Variants in POLR1D observed in about 807,000 individuals in gnomAD.
The protein encoded by POLR1D is RNA polymerase I and III subunit D.
In POLR1D, 8 loss-of-function variants were observed where a neutral mutation model predicts 10.8. The ratio of observed to expected loss-of-function variants is 0.74; its 90% CI spans 0.43 to 1.33. POLR1D has a LOEUF of 1.33. Ranked by LOEUF, POLR1D falls within the 40% of genes most tolerant of loss-of-function variation. The probability of loss-of-function intolerance (pLI) is 0.01; values close to 1 mark genes in which losing one functional copy is unlikely to be tolerated. For missense variants in POLR1D, 152 were observed against 161.7 expected (o/e 0.94, Z 0.32); for synonymous variants, 54 against 57.2 (o/e 0.94, Z 0.25).
At position 27,663,358 on chromosome 13, in the gene POLR1D, A is replaced by G. The variant is rs1419777973; in HGVS notation, c.102-2328A>G. 1.3e-5 allele frequency among the ~76,000 whole-genome samples: 2 copies of G among 152,152 alleles called. No individual in the cohort carries two copies. The highest frequency in any genetic ancestry group is 2.9e-5 in the Non-Finnish European group (2 of 68,026). On this transcript the variant is annotated intron_variant, in intron 2 of 2. Transcript: ENST00000399697. This position sits in a 1 kb window ranked among gnomAD's most constrained non-coding sequence, Gnocchi z 4.1. ...AGATCTCCTCAGGCCACCCTTGGCT[A>G]TTTACCTAGAATAGAATCCCAGGCA... is the stretch of plus-strand genomic sequence containing the variant.
intron 2 of POLR1D, among the ~76,000 whole-genome samples, chr13:27,655,219 A>G (rs1326782311): frequency 6.6e-6 from 1 of 152,238 alleles, no homozygotes; most frequent in Non-Finnish European, 1.5e-5. Context: ...TTGTTTGATT[A>G]TCTATGATTG....
At chr13:27,659,167 A>G (rs947109413) in intron 2 of POLR1D, among the ~76,000 whole-genome samples, 7 of 152,218 alleles carry the variant, frequency 4.6e-5, no homozygotes, top group African/African-American at 1.7e-4. Context: ...TTATCCAGAC[A>G]TGTGTTTATT....
intron 2 of POLR1D, among the ~76,000 whole-genome samples, chr13:27,656,630 G>GT (rs1352961994): frequency 6.6e-6 from 1 of 152,218 alleles, no homozygotes; most frequent in Non-Finnish European, 1.5e-5. Context: ...ATGAAGGGAT[G>GT]TGGAAAGGGG....
At chr13:27,648,051 A>G (rs1956235773) in intron 1 of POLR1D, 3 of 239,380 alleles carry the variant, frequency 1.3e-5, no homozygotes, top group Non-Finnish European at 2.5e-5. Context: ...AAATATAGAT[A>G]TATACATATT....
At position 27,663,048 on chromosome 13, in the gene POLR1D, C is replaced by A. The variant is rs1440950876; in HGVS notation, c.102-2638C>A. On this transcript the variant is annotated intron_variant, in intron 2 of 2. Transcript: ENST00000399697. The surrounding 1 kb of genome is among the most constrained non-coding windows in gnomAD (Gnocchi z 4.1). The stretch of plus-strand genomic sequence containing the variant: ...TGAGATTCAGCAAAATTAATTTCTA[C>A]CTTAAAGGCCAGAGAAGCTCTCCCC... Among the ~76,000 whole-genome samples, 2 of 152,172 alleles carry A rather than the reference C, an allele frequency of 1.3e-5. No homozygotes were observed. The highest frequency in any genetic ancestry group is 4.8e-5 in the African/African-American group (2 of 41,424).
intron 1 of POLR1D, among the ~76,000 whole-genome samples, chr13:27,634,867 G>A (rs1209497594): frequency 6.6e-6 from 1 of 151,838 alleles, no homozygotes; most frequent in African/African-American, 2.4e-5. Context: ...GTAGAGATGG[G>A]GTTTTGCATG....
intron 1 of POLR1D, among the ~76,000 whole-genome samples, chr13:27,633,426 A>G (rs1956093416): frequency 6.6e-6 from 1 of 152,228 alleles, no homozygotes; most frequent in Non-Finnish European, 1.5e-5. Context: ...TTTCAAAAAA[A>G]TCTAATGGGG....
At chr13:27,649,901 G>A (rs753699058) in intron 2 of POLR1D, 1 of 394,666 alleles carries the variant, frequency 2.5e-6, no homozygotes, top group Non-Finnish European at 4.5e-6. Context: ...AAAATTAGAG[G>A]TCACAGTCCC....
intron 1 of POLR1D, among the ~76,000 whole-genome samples, chr13:27,647,076 T>C (rs1956227811): frequency 6.6e-6 from 1 of 152,230 alleles, no homozygotes; most frequent in African/African-American, 2.4e-5. Context: ...TTTTGGACTA[T>C]ATTTGTTTAT....
At chr13:27,635,696 C>CTATATATATATATATA (rs3081355) in intron 1 of POLR1D, among the ~76,000 whole-genome samples, 9 of 140,562 alleles carry the variant, frequency 6.4e-5, no homozygotes, top group South Asian at 2.2e-4. Context: ...TACAAAGTAA[C>CTATATATATATATATA]TATATATATA....
At chr13:27,664,017 G>C (rs1956391153) in intron 2 of POLR1D, among the ~76,000 whole-genome samples, 1 of 152,214 alleles carries the variant, frequency 6.6e-6, no homozygotes, top group Non-Finnish European at 1.5e-5. Flanking sequence ...GAACATGCCA[G>C]TGTTTAATAC....
At chr13:27,653,456 G>A (rs922135224) in intron 2 of POLR1D, among the ~76,000 whole-genome samples, 2 of 152,158 alleles carry the variant, frequency 1.3e-5, no homozygotes, top group Admixed American at 6.5e-5. Flanking sequence ...ACTCCAGATT[G>A]TAAGAGGTGG....
intron 2 of POLR1D, among the ~76,000 whole-genome samples, chr13:27,659,514 CT>C (rs1956338718): frequency 6.6e-6 from 1 of 152,168 alleles, no homozygotes; most frequent in Non-Finnish European, 1.5e-5. Context: ...TATAACTTTG[CT>C]TTCCTATCTG....
In POLR1D at chr13:27,622,106, C is replaced by T. The variant is rs555333149; in HGVS notation, c.26+97C>T. 1.5e-4 allele frequency: 156 copies of T among 1,021,750 alleles called. 1 individual carries two copies. Among genetic ancestry groups the T allele is most frequent in the South Asian group, 1.3e-3 (93 of 73,414 alleles). 63.3% of individuals were successfully genotyped at this position (1,021,750 alleles called of 1,614,324 possible). A position where few individuals can be genotyped will look rare whatever the true frequency, so the allele number is the denominator to read the frequency against. ...CTGGCCTGGCAGCCGGGGCCTGACT[C>T]GGGGCGCAGAGAAGAAGCATGGAGA... On this transcript the variant is annotated intron_variant, in intron 1 of 1. Transcript: ENST00000302979.
chr13:27,626,419 C>CA (rs1382347750), downstream of POLR1D, among the ~76,000 whole-genome samples: 1 of 152,130 alleles, frequency 6.6e-6, no homozygotes, highest in Non-Finnish European at 1.5e-5. Flanking sequence ...ACCATAAACT[C>CA]ACGGGTTCAT....
At chr13:27,648,483 C>T (rs763521796) in intron 2 of POLR1D, 4 of 1,452,978 alleles carry the variant, frequency 2.8e-6, no homozygotes, top group Non-Finnish European at 9.6e-7. Flanking sequence ...TTCCTTAAAA[C>T]TTAAGAAAAA....
chr13:27,652,198 G>A (rs78136132), intron 2 of POLR1D, among the ~76,000 whole-genome samples: 6,868 of 152,266 alleles, frequency 0.045, 184 homozygotes, highest in Non-Finnish European at 0.054. Flanking sequence ...TGTAAGGAGC[G>A]TTCAAGGGGA....
intron 1 of POLR1D, among the ~76,000 whole-genome samples, chr13:27,630,194 AT>A (rs962559340): frequency 6.6e-6 from 1 of 151,978 alleles, no homozygotes; most frequent in Non-Finnish European, 1.5e-5. Flanking sequence ...AGCCAGCCTG[AT>A]TTTTTTTATC....
downstream of POLR1D, among the ~76,000 whole-genome samples, chr13:27,624,378 GA>G (rs1237291094): frequency 2.0e-5 from 3 of 152,144 alleles, no homozygotes; most frequent in Non-Finnish European, 4.4e-5. Context: ...AATACTCTAT[GA>G]ATTCATGTAA....
Sources: gnomAD v4.1 joint callset for allele counts (sites outside exome capture counted in the v4.1 genomes callset) on GRCh38, gnomAD v4.1.1 for gene constraint, Gnocchi (gnomAD v3.1) non-coding constraint, MANE v1.5 for transcripts, NCBI Gene and HGNC (gene_info 2026-07-23, HGNC 2026-07-21) for gene names.